Variants in NTRK3 observed in about 807,000 individuals in gnomAD.
The protein encoded by NTRK3 is neurotrophic receptor tyrosine kinase 3.
NTRK3 carries 24 observed loss-of-function variants against 91.7 expected under a neutral mutation model. The ratio of observed to expected loss-of-function variants is 0.26; its 90% CI spans 0.19 to 0.37. The LOEUF (loss-of-function observed/expected upper bound fraction) is 0.37. NTRK3 is among the 10% of genes least tolerant of loss of function. The probability of loss-of-function intolerance (pLI) is 1.00; values close to 1 mark genes in which losing one functional copy is unlikely to be tolerated. For synonymous variants in NTRK3, 483 were observed against 404.0 expected (o/e 1.20, Z -2.34); for missense variants, 880 against 1,068.9 (o/e 0.82, Z 2.46).
exon 10 of NTRK3, chr15:88,135,309 C>G (rs145632344): frequency 6.2e-7 from 1 of 1,614,188 alleles, no homozygotes; most frequent in Non-Finnish European, 8.5e-7. Context: ...GCCAGTGCAG[C>G]GTTGGTGGGG....
At chr15:88,156,702 T>G (rs1438439548) in intron 5 of NTRK3, among the ~76,000 whole-genome samples, 2 of 152,202 alleles carry the variant, frequency 1.3e-5, no homozygotes, top group Non-Finnish European at 2.9e-5. Context: ...GCATTTTTCT[T>G]GGGCCTCGAC....
At chr15:88,117,825 AG>A in intron 13 of NTRK3, among the ~76,000 whole-genome samples, 1 of 152,338 alleles carries the variant, frequency 6.6e-6, no homozygotes, top group African/African-American at 2.4e-5. Flanking sequence ...GAAGAGAGAC[AG>A]GGAGTGTTAT....
intron 6 of NTRK3, among the ~76,000 whole-genome samples, chr15:88,146,907 C>T (rs1329343423): frequency 6.6e-6 from 1 of 151,892 alleles, no homozygotes; most frequent in Non-Finnish European, 1.5e-5. Context: ...GAATCCTCAC[C>T]CATAAAATGC....
chr15:88,016,908 G>C (rs531697239), intron 14 of NTRK3, among the ~76,000 whole-genome samples: 1 of 140,094 alleles, frequency 7.1e-6, no homozygotes, highest in African/African-American at 2.7e-5. Context: ...TCCCAGGGAA[G>C]GGGAATATAC....
chr15:88,053,050 T>G (rs1044196897), intron 13 of NTRK3, among the ~76,000 whole-genome samples: 3 of 152,200 alleles, frequency 2.0e-5, no homozygotes, highest in Admixed American at 1.3e-4. Flanking sequence ...AAACATTTAT[T>G]AGGAACCTAC....
At chr15:88,049,524 C>A (rs1464153574) in intron 13 of NTRK3, among the ~76,000 whole-genome samples, 1 of 152,170 alleles carries the variant, frequency 6.6e-6, no homozygotes, top group Non-Finnish European at 1.5e-5. Context: ...GATCCTGACA[C>A]TGACCTAAGC....
At chr15:88,223,582 T>C (rs1488097043) in intron 3 of NTRK3, among the ~76,000 whole-genome samples, 9 of 152,200 alleles carry the variant, frequency 5.9e-5, no homozygotes, top group Non-Finnish European at 2.9e-5. Context: ...AGCATTCACA[T>C]GTCAGAGAGC....
intron 14 of NTRK3, among the ~76,000 whole-genome samples, chr15:87,998,778 A>G (rs1457681701): frequency 1.3e-5 from 2 of 152,200 alleles, no homozygotes; most frequent in Non-Finnish European, 2.9e-5. Context: ...ATGCTAATTA[A>G]AGGCCCCCAG....
chr15:88,220,202 G>A (rs980232103), intron 3 of NTRK3, among the ~76,000 whole-genome samples: 2 of 152,178 alleles, frequency 1.3e-5, no homozygotes, highest in East Asian at 1.9e-4. Flanking sequence ...TGAGCCACAT[G>A]TAGGAACCCT....
At chr15:88,018,730 T>A (rs578090831) in intron 14 of NTRK3, among the ~76,000 whole-genome samples, 2 of 152,272 alleles carry the variant, frequency 1.3e-5, no homozygotes, top group East Asian at 3.9e-4. Context: ...TAATAGAAGC[T>A]ACCTCATAGG....
chr15:88,203,661 T>C (rs1247730074), intron 3 of NTRK3, among the ~76,000 whole-genome samples: 2 of 152,162 alleles, frequency 1.3e-5, no homozygotes, highest in Admixed American at 1.3e-4. Context: ...CATTAATCTA[T>C]TGTACATTTC....
intron 17 of NTRK3, among the ~76,000 whole-genome samples, chr15:87,915,784 G>T (rs955751232): frequency 6.6e-6 from 1 of 152,026 alleles, no homozygotes; most frequent in African/African-American, 2.4e-5. Flanking sequence ...CTGGCAATTT[G>T]AATACTTATC....
Position 88,072,092 on chromosome 15 carries a change from G to A in NTRK3, c.1397-39047C>T, listed in dbSNP as rs12440541. 7.0e-3 allele frequency among the ~76,000 whole-genome samples: 983 copies of A among 139,870 alleles called. 23 individuals are homozygous for A. The highest frequency in any genetic ancestry group is 0.036 in the Admixed American group (484 of 13,386). 91.8% of individuals were successfully genotyped at this position (139,870 alleles called of 152,430 possible). A position where few individuals can be genotyped will look rare whatever the true frequency, so the allele number is the denominator to read the frequency against. ...GTGATCTCGGCTCCCTGTAACCTCCGCCTCCCGGGTTCAAGGAATTCTCCT... is the reference window on the plus strand; with the variant it reads ...GTGATCTCGGCTCCCTGTAACCTCCACCTCCCGGGTTCAAGGAATTCTCCT... On this transcript the variant is annotated intron_variant, in intron 13 of 18. Coordinates refer to ENST00000394480, the Ensembl canonical transcript of NTRK3.
chr15:87,869,555 T>C, exon 19 of NTRK3: 1 of 216,418 alleles, frequency 4.6e-6, no homozygotes, highest in Non-Finnish European at 9.3e-6. Context: ...AAGTCCAAAC[T>C]GTTTGTGGCT....
chr15:87,886,699 TAC>T (rs1555429881), intron 17 of NTRK3, among the ~76,000 whole-genome samples: 6 of 138,490 alleles, frequency 4.3e-5, no homozygotes, highest in African/African-American at 1.4e-4. Flanking sequence ...TATATATATA[TAC>T]ATATATACAC....
At chr15:88,115,798 G>A (rs754126901) in intron 13 of NTRK3, among the ~76,000 whole-genome samples, 3 of 152,074 alleles carry the variant, frequency 2.0e-5, no homozygotes, top group Non-Finnish European at 4.4e-5. Context: ...CACCACCTAG[G>A]GCAGTGTCTC....
At chr15:87,907,249 T>C (rs1183635790) in intron 17 of NTRK3, among the ~76,000 whole-genome samples, 1 of 152,212 alleles carries the variant, frequency 6.6e-6, no homozygotes, top group African/African-American at 2.4e-5. Flanking sequence ...AAGAGATTGA[T>C]TAATCTTCTA....
chr15:88,157,688 C>T lies in NTRK3; in HGVS notation c.396-10285G>A, dbSNP rs570420212. Reference sequence around the variant, plus strand: ...CTCAGCCCACCTCCCTTGGCCTACACGAGGGACGCCGAGACTGTGAGATCC... The same window carrying T: ...CTCAGCCCACCTCCCTTGGCCTACATGAGGGACGCCGAGACTGTGAGATCC... On this transcript the variant is annotated intron_variant, in intron 5 of 18. Transcript: ENST00000394480. 5.3e-5 allele frequency among the ~76,000 whole-genome samples: 8 copies of T among 152,250 alleles called. No individual in the cohort carries two copies. In the South Asian group the frequency reaches 6.2e-4, roughly 12 times the overall value.
chr15:88,210,864 T>G (rs1023599310), intron 3 of NTRK3, among the ~76,000 whole-genome samples: 10 of 152,104 alleles, frequency 6.6e-5, no homozygotes, highest in African/African-American at 2.4e-4. Flanking sequence ...AAGGCAGCTT[T>G]GGGAGAGACA....
Sources: gnomAD v4.1 joint callset for allele counts (sites outside exome capture counted in the v4.1 genomes callset) on GRCh38, gnomAD v4.1.1 for gene constraint, MANE v1.5 for transcripts, NCBI Gene and HGNC (gene_info 2026-07-23, HGNC 2026-07-21) for gene names.